SVBP: variants seen among roughly 807,000 people sequenced by gnomAD.
SVBP encodes the protein small vasohibin-binding protein.
Under a neutral mutation model 9.2 loss-of-function variants are expected in SVBP, and 9 were observed. The ratio of observed to expected loss-of-function variants is 0.98; its 90% confidence interval spans 0.59 to 1.71. The LOEUF (loss-of-function observed/expected upper bound fraction) is 1.71, where lower values mean the gene tolerates loss of function less well. Among genes scored for constraint, SVBP ranks in the 40% most tolerant of loss-of-function variants. The probability of loss-of-function intolerance (pLI) is 0.00; values close to 1 mark genes in which losing one functional copy is unlikely to be tolerated. For synonymous variants in SVBP, 27 were observed against 23.9 expected, an observed-to-expected ratio of 1.13 and a Z score of -0.37; for missense variants, 63 against 73.2, an observed-to-expected ratio of 0.86 and a Z score of 0.51.
At chr1:42,812,746 C>T (rs527469388) in intron 2 of SVBP, among the ~76,000 whole-genome samples, 1 of 152,224 alleles carries the variant, frequency 6.6e-6, no homozygotes, top group Non-Finnish European at 1.5e-5. Flanking sequence ...TTTTAGTATG[C>T]TTTTGCAAAA....
intron 2 of SVBP, among the ~76,000 whole-genome samples, chr1:42,815,326 C>T (rs554251441): frequency 1.4e-3 from 216 of 151,498 alleles, no homozygotes; most frequent in African/African-American, 4.7e-3. Flanking sequence ...ATGTAACAAA[C>T]CTGCATGTTG....
intron 2 of SVBP, among the ~76,000 whole-genome samples, chr1:42,810,457 C>T (rs1038234511): frequency 9.2e-5 from 14 of 152,076 alleles, no homozygotes; most frequent in African/African-American, 3.4e-4. Context: ...CACATATATA[C>T]ATATATATTT....
At position 42,817,340 on chromosome 1, in the gene SVBP, G is replaced by A. The variant is rs1234925615; in HGVS notation, c.-187C>T. ...GGGCGGGGCCGCGCGCCGGGGGGAGGGGCGCAGGGCCGAGCGCCAGGAGGC... is the reference window on the plus strand; with the variant it reads ...GGGCGGGGCCGCGCGCCGGGGGGAGAGGCGCAGGGCCGAGCGCCAGGAGGC... On this transcript the variant is annotated 5_prime_UTR_variant, in exon 1 of 3. Coordinates refer to ENST00000372521, the MANE Select transcript of SVBP (RefSeq NM_199342.4). 3 of 917,798 alleles carry A rather than the reference G, an allele frequency of 3.3e-6. No homozygotes were observed. The highest frequency in any genetic ancestry group is 4.1e-6 in the Non-Finnish European group (3 of 725,156). The allele number at this position is 917,798 out of a possible 1,614,324, so 56.9% of individuals were successfully genotyped here.
rs1046543051 is a variant in SVBP at position 42,814,082 on chromosome 1, T to C, written c.114+2349A>G. On this transcript the variant is annotated intron_variant, in intron 2 of 2. Transcript: ENST00000372521. ...AACAGTGCCTGGCACATACTAGCAGTTCTTTTTCTTTTTTTTTTGTTTTTG... is the reference window on the plus strand; with the variant it reads ...AACAGTGCCTGGCACATACTAGCAGCTCTTTTTCTTTTTTTTTTGTTTTTG... Among the ~76,000 whole-genome samples, 6 of 147,944 alleles carry C rather than the reference T, an allele frequency of 4.1e-5. 1 individual carries two copies. Among genetic ancestry groups the C allele is most frequent in the African/African-American group, 1.5e-4 (6 of 39,332 alleles).
chr1:42,811,382 T>C (rs535963149), intron 2 of SVBP, among the ~76,000 whole-genome samples: 1 of 152,332 alleles, frequency 6.6e-6, no homozygotes, highest in East Asian at 1.9e-4. Flanking sequence ...AACTCCTGCT[T>C]TGGAGCCCTG....
chr1:42,813,704 C>A, intron 2 of SVBP: 1 of 532,794 alleles, frequency 1.9e-6, no homozygotes, highest in Admixed American at 1.9e-5. Flanking sequence ...CTCTGTTCCT[C>A]CAGTGAGAGC....
At chr1:42,811,259 CT>C (rs924592287) in intron 2 of SVBP, among the ~76,000 whole-genome samples, 1 of 152,246 alleles carries the variant, frequency 6.6e-6, no homozygotes, top group African/African-American at 2.4e-5. Flanking sequence ...GCCTGCCCCT[CT>C]TTAACTACAG....
chr1:42,808,378 G>C (rs1376737450), intron 2 of SVBP, among the ~76,000 whole-genome samples: 1 of 140,456 alleles, frequency 7.1e-6, no homozygotes. Flanking sequence ...ATACTATATA[G>C]TATATATAGG....
chr1:42,814,145 G>A (rs1654143785), intron 2 of SVBP, among the ~76,000 whole-genome samples: 1 of 149,540 alleles, frequency 6.7e-6, no homozygotes, highest in Non-Finnish European at 1.5e-5. Flanking sequence ...CTAGAGTGCA[G>A]TGGCACAATC....
intron 1 of SVBP, 101 bp from the exon 2 acceptor site, chr1:42,816,681 A>C: frequency 1.6e-6 from 1 of 631,300 alleles, no homozygotes; most frequent in East Asian, 2.9e-5. Flanking sequence ...ATCCTTTGCC[A>C]GGTGAGGCAG....
intron 2 of SVBP, among the ~76,000 whole-genome samples, chr1:42,815,891 G>C (rs1570519399): frequency 6.6e-6 from 1 of 152,192 alleles, no homozygotes; most frequent in African/African-American, 2.4e-5. Context: ...GAGGGAAAAA[G>C]AGACCAGCAA....
intron 2 of SVBP, among the ~76,000 whole-genome samples, chr1:42,812,626 G>T (rs1333725681): frequency 6.6e-6 from 1 of 151,976 alleles, no homozygotes; most frequent in Non-Finnish European, 1.5e-5. Context: ...TTGTCACATT[G>T]TTCTAATTTA....
chr1:42,817,101 G>T, intron 1 of SVBP, 89 bp downstream of exon 1: 3 of 1,006,758 alleles, frequency 3.0e-6, no homozygotes, highest in South Asian at 2.6e-5. Flanking sequence ...CGGCCCCAGG[G>T]GACGGCCCCC....
At chr1:42,816,205 CA>C in intron 2 of SVBP, 1 of 472,042 alleles carries the variant, frequency 2.1e-6, no homozygotes, top group South Asian at 3.5e-5. Flanking sequence ...TCTCTTACCA[CA>C]AAAGCTCCGC....
At position 42,807,147 on chromosome 1, in the gene SVBP, G is replaced by T. The variant is rs922031926; in HGVS notation, c.*267C>A. On this transcript the variant is annotated 3_prime_UTR_variant, in exon 3 of 3. Coordinates refer to ENST00000372521, the MANE Select transcript of SVBP (RefSeq NM_199342.4). ...TCAAACAATAGAAAAAGTGTTTTTTGTGTGTGTTTTTTTTTTTTTTTTAAA... is the reference window on the plus strand; with the variant it reads ...TCAAACAATAGAAAAAGTGTTTTTTTTGTGTGTTTTTTTTTTTTTTTTAAA... 7.2e-5 allele frequency: 19 copies of T among 264,384 alleles called. No homozygotes were observed. Among genetic ancestry groups the T allele is most frequent in the South Asian group, 6.0e-4 (3 of 5,012 alleles). 16.4% of individuals were successfully genotyped at this position (264,384 alleles called of 1,614,324 possible). A position where few individuals can be genotyped will look rare whatever the true frequency, so the allele number is the denominator to read the frequency against.
At position 42,816,674 on chromosome 1, in the gene SVBP, C is replaced by G. The variant is rs960218936; in HGVS notation, c.-36-94G>C. On this transcript the variant is annotated intron_variant, in intron 1 of 2. Transcript: ENST00000372521. ...TCTAATCCTTTAGCTCCGCCCCATCCTTTGCCAGGTGAGGCAGAGTGGTCT... is the reference window on the plus strand; with the variant it reads ...TCTAATCCTTTAGCTCCGCCCCATCGTTTGCCAGGTGAGGCAGAGTGGTCT... 2.4e-5 allele frequency: 16 copies of G among 653,850 alleles called. No homozygotes were observed. In the East Asian group the frequency reaches 4.3e-4, roughly 18 times the overall value. The allele number at this position is 653,850 out of a possible 1,614,324, so 40.5% of individuals were successfully genotyped here.
chr1:42,808,147 G>GTATATA lies in SVBP; in HGVS notation c.115-648_115-647insTATATA, dbSNP rs1475249020. On this transcript the variant is annotated intron_variant, in intron 2 of 2. Coordinates refer to ENST00000372521, the MANE Select transcript of SVBP (RefSeq NM_199342.4). ...CAATGTGAATATAGTGTGTGTGTGT[G>GTATATA]TGTATATATATATATATATATATAT... Among the ~76,000 whole-genome samples, 108 of 53,858 alleles carry GTATATA rather than the reference G, an allele frequency of 2.0e-3. 1 individual carries two copies. Among genetic ancestry groups the GTATATA allele is most frequent in the African/African-American group, 8.0e-3 (99 of 12,370 alleles). 35.3% of individuals were successfully genotyped at this position (53,858 alleles called of 152,430 possible). A position where few individuals can be genotyped will look rare whatever the true frequency, so the allele number is the denominator to read the frequency against.
chr1:42,807,524 C>T, intron 2 of SVBP, 24 bp from the exon 3 acceptor site: 3 of 1,576,118 alleles, frequency 1.9e-6, no homozygotes, highest in Non-Finnish European at 2.6e-6. Flanking sequence ...AGAGATACAT[C>T]TGTTAGCAAT....
At chr1:42,807,775 A>G (rs748436380) in intron 2 of SVBP, among the ~76,000 whole-genome samples, 1 of 152,018 alleles carries the variant, frequency 6.6e-6, no homozygotes, top group Non-Finnish European at 1.5e-5. Flanking sequence ...GCCAATTGAG[A>G]TTGAGGAACC....
Sources: gnomAD v4.1 joint callset for allele counts (sites outside exome capture counted in the v4.1 genomes callset) on GRCh38, gnomAD v4.1.1 for gene constraint, MANE v1.5 for transcripts, NCBI Gene and HGNC (gene_info 2026-07-23, HGNC 2026-07-21) for gene names.